EPB41L5: variants seen among roughly 807,000 people sequenced by gnomAD.
EPB41L5 encodes the protein erythrocyte membrane protein band 4.1 like 5, also known as band 4.1-like protein 5.
EPB41L5 carries 55 observed loss-of-function variants against 106.6 expected under a neutral mutation model. That is an observed-to-expected ratio of 0.52 (90% CI 0.42 to 0.65). The LOEUF (loss-of-function observed/expected upper bound fraction) is 0.65, where lower values mean the gene tolerates loss of function less well. Among genes scored for constraint, EPB41L5 ranks in the 30% least tolerant of loss-of-function variants. EPB41L5 has a pLI of 0.00. For synonymous variants in EPB41L5, 297 were observed against 306.7 expected (o/e 0.97, Z 0.33); for missense variants, 871 against 882.1 (o/e 0.99, Z 0.16).
At chr2:120,067,981 T>C (rs1277576150) in intron 3 of EPB41L5, among the ~76,000 whole-genome samples, 1 of 152,180 alleles carries the variant, frequency 6.6e-6, no homozygotes, top group African/African-American at 2.4e-5. Flanking sequence ...AGTCACATGA[T>C]GGCTGGCAAG....
chr2:120,121,309 A>G (rs550809911), intron 16 of EPB41L5, among the ~76,000 whole-genome samples: 2 of 152,192 alleles, frequency 1.3e-5, no homozygotes, highest in South Asian at 4.1e-4. Flanking sequence ...ACCCATCAAC[A>G]CATCATTTAC....
At chr2:120,118,694 C>CGT (rs1244669684) in intron 16 of EPB41L5, among the ~76,000 whole-genome samples, 1 of 152,214 alleles carries the variant, frequency 6.6e-6, no homozygotes, top group African/African-American at 2.4e-5. Flanking sequence ...TTTATGACTG[C>CGT]GTAGTATTCC....
At chr2:120,076,470 C>CTTTTTTTTTTTTTT (rs35333671) in intron 7 of EPB41L5, among the ~76,000 whole-genome samples, 1 of 58,898 alleles carries the variant, frequency 1.7e-5, no homozygotes, top group African/African-American at 7.7e-5. Flanking sequence ...AATTTTTGTA[C>CTTTTTTTTTTTTTT]TTTTTTTTTT....
chr2:120,109,309 C>A (rs1684613075), intron 16 of EPB41L5, among the ~76,000 whole-genome samples: 1 of 152,158 alleles, frequency 6.6e-6, no homozygotes, highest in Non-Finnish European at 1.5e-5. Context: ...TTTCCTTAAT[C>A]TATTTGTTCT....
chr2:120,149,892 CTTTTT>C (rs34014223), intron 20 of EPB41L5, among the ~76,000 whole-genome samples: 1 of 110,918 alleles, frequency 9.0e-6, no homozygotes, highest in African/African-American at 3.4e-5. Context: ...TTTCACTGTA[CTTTTT>C]TTTTTTTTTT....
chr2:120,013,254 C>G (rs1030710480), intron 1 of EPB41L5, 44 bp downstream of exon 1: 6 of 152,458 alleles, frequency 3.9e-5, no homozygotes, highest in South Asian at 2.1e-4. Flanking sequence ...CAGTCCGCTG[C>G]GCTCCTAGCC....
chr2:120,030,907 G>A lies in EPB41L5; in HGVS notation c.181-11099G>A, dbSNP rs921310836. On this transcript the variant is annotated intron_variant, in intron 2 of 24. Transcript: ENST00000263713. ...TTAATTTATTTAGAGACAGAGTTTC[G>A]CTGTCATTGCCCAGGCTGGAGTGCA... 8.6e-5 allele frequency among the ~76,000 whole-genome samples: 13 copies of A among 151,166 alleles called. No homozygotes were observed. The South Asian group carries it at 1.9e-3, about 22-fold the overall frequency.
At chr2:120,088,550 ACCTATGT>A (rs1283047966) in intron 11 of EPB41L5, among the ~76,000 whole-genome samples, 4 of 152,160 alleles carry the variant, frequency 2.6e-5, no homozygotes, top group Non-Finnish European at 4.4e-5. Flanking sequence ...ACACGTGTTT[ACCTATGT>A]AACAAACCTT....
intron 11 of EPB41L5, among the ~76,000 whole-genome samples, chr2:120,087,897 A>C (rs1025738754): frequency 2.6e-5 from 4 of 152,242 alleles, no homozygotes; most frequent in African/African-American, 9.6e-5. Flanking sequence ...TAATTGATAC[A>C]TGCTTGGATG....
chr2:120,173,977 C>A (rs1687815987), intron 24 of EPB41L5, among the ~76,000 whole-genome samples: 4 of 152,228 alleles, frequency 2.6e-5, no homozygotes, highest in Admixed American at 2.6e-4. Context: ...CCTTACCCAG[C>A]GTGTTTTCAG....
At chr2:120,092,388 A>T (rs958072221) in intron 13 of EPB41L5, among the ~76,000 whole-genome samples, 1 of 152,172 alleles carries the variant, frequency 6.6e-6, no homozygotes, top group South Asian at 2.1e-4. Flanking sequence ...AATATTAAGG[A>T]TTGTATTAAA....
intron 2 of EPB41L5, among the ~76,000 whole-genome samples, chr2:120,028,667 T>C (rs1477583169): frequency 6.6e-6 from 1 of 152,182 alleles, no homozygotes; most frequent in African/African-American, 2.4e-5. Context: ...ACAGTGAGGC[T>C]GCATAGGAAA....
intron 14 of EPB41L5, 73 bp downstream of exon 14, chr2:120,093,349 AT>A: frequency 8.2e-7 from 1 of 1,223,074 alleles, no homozygotes; most frequent in Non-Finnish European, 1.2e-6. Context: ...TTAAACAAAT[AT>A]TTAAGACCTA....
intron 3 of EPB41L5, among the ~76,000 whole-genome samples, chr2:120,057,212 T>C (rs1221880078): frequency 1.3e-5 from 2 of 152,148 alleles, no homozygotes; most frequent in African/African-American, 4.8e-5. Context: ...AAGGCCACTT[T>C]AGAGAGTAAA....
intron 3 of EPB41L5, among the ~76,000 whole-genome samples, chr2:120,048,088 T>C (rs1272943672): frequency 6.8e-6 from 1 of 148,004 alleles, no homozygotes; most frequent in Non-Finnish European, 1.5e-5. Context: ...GAGTTTTGCA[T>C]TGATGTTCAT....
intron 2 of EPB41L5, among the ~76,000 whole-genome samples, chr2:120,037,927 T>A (rs1428788427): frequency 6.6e-6 from 1 of 152,084 alleles, no homozygotes; most frequent in East Asian, 1.9e-4. Flanking sequence ...GACCTAAAAC[T>A]ATAAAATTCA....
chr2:120,086,729 A>G (rs991680491), intron 10 of EPB41L5, among the ~76,000 whole-genome samples: 1 of 152,150 alleles, frequency 6.6e-6, no homozygotes, highest in Non-Finnish European at 1.5e-5. Context: ...TAATGGAGGG[A>G]GAACCTATCT....
chr2:120,149,219 C>T lies in EPB41L5; in HGVS notation c.1793+2930C>T, dbSNP rs144484100. 9.2e-5 allele frequency among the ~76,000 whole-genome samples: 14 copies of T among 152,300 alleles called. No homozygotes were observed. The East Asian group carries it at 2.7e-3, about 29-fold the overall frequency. ...ATTGATAAATTTGATTCAAATACCACACAATTCATCCATTTAAAGTGTGCA... is the reference window on the plus strand; with the variant it reads ...ATTGATAAATTTGATTCAAATACCATACAATTCATCCATTTAAAGTGTGCA... On this transcript the variant is annotated intron_variant, in intron 20 of 24. Coordinates refer to ENST00000263713, the MANE Select transcript of EPB41L5 (RefSeq NM_020909.4).
rs1337819099 is a variant in EPB41L5 at position 120,178,840 on chromosome 2, T to A, written c.*3933T>A. The A allele has an allele frequency of 2.0e-5, 3 of 152,270 alleles. No individual in the cohort carries two copies. The highest frequency in any genetic ancestry group is 7.2e-5 in the African/African-American group (3 of 41,476). 9.4% of individuals were successfully genotyped at this position (152,270 alleles called of 1,614,324 possible). A position where few individuals can be genotyped will look rare whatever the true frequency, so the allele number is the denominator to read the frequency against. On this transcript the variant is annotated 3_prime_UTR_variant, in exon 25 of 25. Coordinates refer to ENST00000263713, the MANE Select transcript of EPB41L5 (RefSeq NM_020909.4). The stretch of plus-strand genomic sequence containing the variant: ...AGGATTTCTCCTCTTCAGAGAGATT[T>A]TTTTTTATAGCACAGATTCCTTTGC...
Sources: allele counts gnomAD v4.1 joint callset (sites outside exome capture counted in the v4.1 genomes callset), GRCh38; gene constraint gnomAD v4.1.1; transcripts MANE v1.5; gene names NCBI Gene and HGNC (gene_info 2026-07-23, HGNC 2026-07-21).